Variants in HPN observed in about 807,000 individuals in gnomAD.
HPN encodes the protein serine protease hepsin.
HPN carries 13 observed loss-of-function variants against 55.9 expected under a neutral mutation model. The ratio of observed to expected loss-of-function variants is 0.23; its 90% CI spans 0.15 to 0.37. The LOEUF is 0.37. Among genes scored for constraint, HPN ranks in the 10% least tolerant of loss-of-function variants. The pLI, the probability that HPN is intolerant of heterozygous loss-of-function variation, is 1.00. For synonymous variants in HPN, 225 were observed against 240.3 expected (o/e 0.94, Z 0.59); for missense variants, 451 against 575.8 (o/e 0.78, Z 2.22).
chr19:35,050,627 C>A, intron 4 of HPN: 2 of 824,656 alleles, frequency 2.4e-6, no homozygotes, highest in Non-Finnish European at 3.4e-6. Context: ...CAACTTCAAG[C>A]TGCCATTCCC....
chr19:35,042,377 G>A (rs555955467), intron 1 of HPN, 76 bp from the exon 2 acceptor site: 10 of 1,469,208 alleles, frequency 6.8e-6, no homozygotes, highest in Non-Finnish European at 7.2e-6. Flanking sequence ...CTGGATGGAC[G>A]CCTGGGACTG....
chr19:35,066,179 G>C (rs771861018), intron 12 of HPN, 70 bp from the exon 13 acceptor site: 20 of 1,613,652 alleles, frequency 1.2e-5, no homozygotes, highest in Non-Finnish European at 1.5e-5. Context: ...AGGGTTCCTG[G>C]GGAAGGGAAG....
intron 2 of HPN, among the ~76,000 whole-genome samples, chr19:35,047,570 G>A (rs1458645226): frequency 6.6e-6 from 1 of 152,190 alleles, no homozygotes; most frequent in African/African-American, 2.4e-5. Context: ...ACACGCATGA[G>A]AACGTGAACC....
chr19:35,060,887 C>A, intron 9 of HPN, 70 bp downstream of exon 9: 1 of 1,333,192 alleles, frequency 7.5e-7, no homozygotes, highest in Non-Finnish European at 1.0e-6. Context: ...GGACCAGGGG[C>A]ACAAGGCAAT....
At chr19:35,040,883 C>A (rs1320887809), upstream of HPN, among the ~76,000 whole-genome samples, 2 of 152,070 alleles carry the variant, frequency 1.3e-5, no homozygotes, top group East Asian at 3.9e-4. Flanking sequence ...ACAGCGGGCA[C>A]GTGTGGGTAA....
At chr19:35,062,852 C>T (rs1350292) in intron 9 of HPN, among the ~76,000 whole-genome samples, 129,434 of 151,794 alleles carry the variant, frequency 0.85, 56,241 homozygotes, top group Non-Finnish European at 0.93. Flanking sequence ...CACTGCATTC[C>T]AGCCTGGTTG....
intron 2 of HPN, among the ~76,000 whole-genome samples, chr19:35,043,256 G>A (rs1197151044): frequency 2.6e-5 from 4 of 152,328 alleles, no homozygotes; most frequent in Middle Eastern, 3.4e-3. Context: ...GAGAGACTGC[G>A]TCATGGAGTT....
At chr19:35,041,029 A>C (rs2064288139), upstream of HPN, among the ~76,000 whole-genome samples, 1 of 152,172 alleles carries the variant, frequency 6.6e-6, no homozygotes, top group South Asian at 2.1e-4. Context: ...CCTGGGTCTG[A>C]CGTGGGCCGC....
chr19:35,065,506 C>G (rs1433259908), intron 10 of HPN, 33 bp from the exon 11 acceptor site: 1 of 1,611,126 alleles, frequency 6.2e-7, no homozygotes, highest in Admixed American at 1.7e-5. Flanking sequence ...GTACACCCCC[C>G]AGCTCTGGCC....
At chr19:35,051,346 T>C (rs894750045) in intron 4 of HPN, among the ~76,000 whole-genome samples, 4 of 152,122 alleles carry the variant, frequency 2.6e-5, no homozygotes, top group Non-Finnish European at 4.4e-5. Flanking sequence ...TGACCTCAGG[T>C]GATCCACCCG....
chr19:35,044,857 G>C (rs1401178691), intron 2 of HPN, among the ~76,000 whole-genome samples: 1 of 152,092 alleles, frequency 6.6e-6, no homozygotes, highest in Non-Finnish European at 1.5e-5. Context: ...GCGCTAGAAG[G>C]GAGACTGAGC....
chr19:35,042,013 C>A (rs1464126202), intron 1 of HPN, 141 bp downstream of exon 1: 19 of 1,171,868 alleles, frequency 1.6e-5, no homozygotes, highest in Non-Finnish European at 2.0e-5. Context: ...TCCCCCCAAG[C>A]ACCTAGGTGT....
rs1014739669 is a variant in HPN, at chr19:35,060,495, C to T, written c.603C>T (p.Ala201=). 11 of 1,612,836 alleles carry T rather than the reference C, an allele frequency of 6.8e-6. No homozygotes were observed. The highest frequency in any genetic ancestry group is 1.6e-4 in the Middle Eastern group (1 of 6,080). Residue 201 remains alanine, a synonymous_variant, in exon 8 of 13, where the codon GCC becomes GCT. Transcript: ENST00000672452. ...SLLSGDWVLT[A]AHCFPERNRV... Reference sequence around the variant, plus strand: ...TCTCCGGGGACTGGGTGCTGACAGCCGCCCACTGCTTCCCGGAGTGAGTGC... The same window carrying T: ...TCTCCGGGGACTGGGTGCTGACAGCTGCCCACTGCTTCCCGGAGTGAGTGC...
Position 35,066,573 on chromosome 19 carries a change from A to C in HPN, c.*286A>C. Reference sequence around the variant, plus strand: ...TAAATAATAAAGATGGTTTTGATTAATGTGGCCTCCGAGCTTACAAATGTA... The same window carrying C: ...TAAATAATAAAGATGGTTTTGATTACTGTGGCCTCCGAGCTTACAAATGTA... On this transcript the variant is annotated 3_prime_UTR_variant, in exon 13 of 13. Transcript: ENST00000672452. 1.5e-5 allele frequency: 7 copies of C among 475,292 alleles called. No homozygotes were observed. The highest frequency in any genetic ancestry group is 1.5e-5 in the Non-Finnish European group (4 of 266,430). 29.4% of individuals were successfully genotyped at this position (475,292 alleles called of 1,614,324 possible). A position where few individuals can be genotyped will look rare whatever the true frequency, so the allele number is the denominator to read the frequency against.
Position 35,059,902 on chromosome 19 carries a change from C to G in HPN, c.319C>G (p.Arg107Gly). The change falls in exon 6 of 13, where the codon CGA becomes GGA. Residue 107 changes from arginine to glycine, a missense_variant. Arg to Gly is a moderately radical substitution (Grantham distance 125, BLOSUM62 -2). Coordinates refer to ENST00000672452, the MANE Select transcript of HPN (RefSeq NM_001384133.1). ...RALTHSELDV[R>G]TAGANGTSGF... is the part of the protein sequence containing the mutation. ...ACTGACCCACTCCGAGCTGGACGTG[C>G]GAACGGCGGGCGCCAATGGCACGTC... The G allele has an allele frequency of 6.6e-7, 1 of 1,510,056 alleles. No homozygotes were observed. Among genetic ancestry groups the G allele is most frequent in the South Asian group, 1.3e-5 (1 of 74,844 alleles). The allele number at this position is 1,510,056 out of a possible 1,614,324, so 93.5% of individuals were successfully genotyped here. A position where few individuals can be genotyped will look rare whatever the true frequency, so the allele number is the denominator to read the frequency against.
intron 4 of HPN, among the ~76,000 whole-genome samples, chr19:35,056,432 T>G (rs1222154490): frequency 1.3e-5 from 2 of 152,106 alleles, no homozygotes; most frequent in Non-Finnish European, 2.9e-5. Context: ...AAGTGTTTGG[T>G]AAATAGAAAT....
In HPN at chr19:35,041,857, C is replaced by T; in HGVS notation, c.-70C>T. 7.4e-7 allele frequency: 1 copy of T among 1,342,530 alleles called. No homozygotes were observed. 83.2% of individuals were successfully genotyped at this position (1,342,530 alleles called of 1,614,324 possible). Reference sequence around the variant, plus strand: ...GCACTACCTCGAGGCTCCGCCCCCACCTGCTGGACCCCAGGGTAAGGACAA... The same window carrying T: ...GCACTACCTCGAGGCTCCGCCCCCATCTGCTGGACCCCAGGGTAAGGACAA... On this transcript the variant is annotated 5_prime_UTR_variant, in exon 1 of 13. Coordinates refer to ENST00000672452, the MANE Select transcript of HPN (RefSeq NM_001384133.1).
chr19:35,059,860 C>A lies in HPN; in HGVS notation c.291-14C>A. On this transcript the variant is annotated splice_polypyrimidine_tract_variant and intron_variant, in intron 5 of 12. Transcript: ENST00000672452. The stretch of plus-strand genomic sequence containing the variant: ...GAGGGGCTGGGGAGCAGGCCTAACC[C>A]CTGCCCCGCCCAGGGCACTGACCCA... 1 of 1,500,830 alleles carries A rather than the reference C, an allele frequency of 6.7e-7. No homozygotes were observed. Among genetic ancestry groups the A allele is most frequent in the East Asian group, 2.4e-5 (1 of 42,346 alleles). 93.0% of individuals were successfully genotyped at this position (1,500,830 alleles called of 1,614,324 possible).
chr19:35,041,851 C>A lies in HPN; in HGVS notation c.-76C>A, dbSNP rs1568353807. 1 of 1,342,516 alleles carries A rather than the reference C, an allele frequency of 7.4e-7. No homozygotes were observed. Among genetic ancestry groups the A allele is most frequent in the Non-Finnish European group, 9.8e-7 (1 of 1,017,574 alleles). 83.2% of individuals were successfully genotyped at this position (1,342,516 alleles called of 1,614,324 possible). A position where few individuals can be genotyped will look rare whatever the true frequency, so the allele number is the denominator to read the frequency against. ...ACCCCGGCACTACCTCGAGGCTCCG[C>A]CCCCACCTGCTGGACCCCAGGGTAA... On this transcript the variant is annotated 5_prime_UTR_variant, in exon 1 of 13. Transcript: ENST00000672452.
Sources: gnomAD v4.1 joint callset for allele counts (sites outside exome capture counted in the v4.1 genomes callset) on GRCh38, gnomAD v4.1.1 for gene constraint, MANE v1.5 for transcripts, NCBI Gene and HGNC (gene_info 2026-07-23, HGNC 2026-07-21) for gene names.